Variants in PUS7L observed in about 807,000 individuals in gnomAD.
PUS7L encodes the protein pseudouridylate synthase PUS7L.
PUS7L carries 49 observed loss-of-function variants against 51.1 expected under a neutral mutation model. That is an observed-to-expected ratio of 0.96 (90% CI 0.76 to 1.22). PUS7L has a LOEUF of 1.22. PUS7L is among the 50% of genes most tolerant of loss of function. The pLI, the probability that PUS7L is intolerant of heterozygous loss-of-function variation, is 0.00. For synonymous variants in PUS7L, 277 were observed against 276.2 expected (o/e 1.00, Z -0.03); for missense variants, 828 against 820.6 (o/e 1.01, Z -0.11).
chr12:43,734,993 G>A (rs867038336), intron 7 of PUS7L, among the ~76,000 whole-genome samples: 10 of 152,258 alleles, frequency 6.6e-5, no homozygotes, highest in Middle Eastern at 6.8e-3. Context: ...ATGGAACCCA[G>A]TTTCATTAGT....
chr12:43,738,465 C>T lies in PUS7L; in HGVS notation c.1363-74G>A, dbSNP rs543731759. 51 of 779,394 alleles carry T rather than the reference C, an allele frequency of 6.5e-5. No individual in the cohort carries two copies. In the Middle Eastern group the frequency reaches 1.5e-3, roughly 22 times the overall value. 48.3% of individuals were successfully genotyped at this position (779,394 alleles called of 1,614,324 possible). ...CTTTCTTTAAAAAAAGATGCAAATT[C>T]TCTAGCATCCTAAAAGAATAGGGAT... On this transcript the variant is annotated intron_variant, in intron 5 of 8. Coordinates refer to ENST00000344862, the MANE Select transcript of PUS7L (RefSeq NM_031292.5).
Position 43,727,330 on chromosome 12 carries a change from A to G in PUS7L, c.*3046T>C, listed in dbSNP as rs1944468406. The G allele has an allele frequency of 6.6e-6, 1 of 152,198 alleles. No individual in the cohort carries two copies. 9.4% of individuals were successfully genotyped at this position (152,198 alleles called of 1,614,324 possible). ...TACCATTTGACCCAGCAATCCCATTATTGGTTATATACCCAAAGGAATATA... is the reference window on the plus strand; with the variant it reads ...TACCATTTGACCCAGCAATCCCATTGTTGGTTATATACCCAAAGGAATATA... On this transcript the variant is annotated 3_prime_UTR_variant, in exon 9 of 9. Transcript: ENST00000344862.
In PUS7L at chr12:43,719,759, T is replaced by C. The variant is rs1381781264; in HGVS notation, c.*10617A>G. ...AATAATATTGGCAGAAAATTGTTCA[T>C]AATATTCTATTATCTTTTTAATTTT... On this transcript the variant is annotated 3_prime_UTR_variant, in exon 9 of 9. Coordinates refer to ENST00000344862, the MANE Select transcript of PUS7L (RefSeq NM_031292.5). 1.3e-5 allele frequency: 2 copies of C among 152,238 alleles called. No individual in the cohort carries two copies. Among genetic ancestry groups the C allele is most frequent in the African/African-American group, 4.8e-5 (2 of 41,464 alleles). 9.4% of individuals were successfully genotyped at this position (152,238 alleles called of 1,614,324 possible).
chr12:43,731,407 A>C (rs1944550465), intron 8 of PUS7L, among the ~76,000 whole-genome samples: 1 of 152,190 alleles, frequency 6.6e-6, no homozygotes, highest in African/African-American at 2.4e-5. Context: ...AGTGACAGAA[A>C]ACCGATCAGG....
chr12:43,754,868 G>T lies in PUS7L; in HGVS notation c.378C>A (p.Ser126Arg). 6.2e-7 allele frequency: 1 copy of T among 1,613,702 alleles called. No homozygotes were observed. The highest frequency in any genetic ancestry group is 8.5e-7 in the Non-Finnish European group (1 of 1,179,838). Residue 126 changes from serine to arginine, a missense_variant, in exon 2 of 9, where the codon AGC (serine) becomes AGA (arginine). Transcript: ENST00000344862. ...CATGAGTTTTTTCATCCAAAAAGGA[G>T]CTTAAAACATCAGCTTTTTCTTCAC... ...SKCEEKADVL[S>R]SFLDEKTHEL...
chr12:43,758,659 C>T, intron 1 of PUS7L, 71 bp downstream of exon 1: 1 of 727,156 alleles, frequency 1.4e-6, no homozygotes, highest in Non-Finnish European at 1.6e-6. Flanking sequence ...TCGTCACCCC[C>T]CCCCCCCACA....
In PUS7L at chr12:43,738,302, G is replaced by A. The variant is rs770684543; in HGVS notation, c.1444+8C>T. The A allele has an allele frequency of 6.8e-5, 98 of 1,439,402 alleles. No homozygotes were observed. Among genetic ancestry groups the A allele is most frequent in the Non-Finnish European group, 8.2e-5 (84 of 1,021,630 alleles). The allele number at this position is 1,439,402 out of a possible 1,614,324, so 89.2% of individuals were successfully genotyped here. ...ATGGTTATGTACAGGATAAAGAAACGTAAATACCAGTTTGAAGAAAATACT... is the reference window on the plus strand; with the variant it reads ...ATGGTTATGTACAGGATAAAGAAACATAAATACCAGTTTGAAGAAAATACT... On this transcript the variant is annotated splice_region_variant and intron_variant, in intron 6 of 8. Transcript: ENST00000344862.
chr12:43,756,038 C>T (rs1483217269), intron 1 of PUS7L, among the ~76,000 whole-genome samples: 1 of 152,194 alleles, frequency 6.6e-6, no homozygotes. Flanking sequence ...GGGCCCCATA[C>T]TAGTGAGTTC....
chr12:43,753,842 G>T (rs553983852), intron 2 of PUS7L, among the ~76,000 whole-genome samples: 1 of 152,244 alleles, frequency 6.6e-6, no homozygotes, highest in East Asian at 1.9e-4. Context: ...AGAACATCTT[G>T]TCTAAAGACC....
intron 3 of PUS7L, among the ~76,000 whole-genome samples, chr12:43,747,224 T>C (rs1472316656): frequency 6.6e-6 from 1 of 152,222 alleles, no homozygotes; most frequent in East Asian, 1.9e-4. Context: ...TTACTCATGG[T>C]ATTATTTACA....
rs941726227 is a variant in PUS7L at position 43,724,537 on chromosome 12, T to C, written c.*5839A>G. On this transcript the variant is annotated 3_prime_UTR_variant, in exon 9 of 9. Transcript: ENST00000344862. ...CAACTATCAGTAAAATTTTAAGATA[T>C]AGCATGTGGTCATCAATGCCTCTGC... The C allele has an allele frequency of 2.0e-5, 3 of 152,152 alleles. No homozygotes were observed. Among genetic ancestry groups the C allele is most frequent in the South Asian group, 2.1e-4 (1 of 4,834 alleles). 9.4% of individuals were successfully genotyped at this position (152,152 alleles called of 1,614,324 possible).
intron 2 of PUS7L, among the ~76,000 whole-genome samples, chr12:43,749,549 G>A (rs1372448607): frequency 6.6e-6 from 1 of 152,026 alleles, no homozygotes; most frequent in Non-Finnish European, 1.5e-5. Context: ...AAACACCTAT[G>A]GTCACAGCTA....
rs1258906251 is a variant in PUS7L, at chr12:43,724,268, A to AT, written c.*6107dup. ...TTTGAATGAACTACTGAATCCCCAG[A>AT]TTTAGAAATAGTTGTTTCTACTACT... On this transcript the variant is annotated 3_prime_UTR_variant, in exon 9 of 9. Coordinates refer to ENST00000344862, the MANE Select transcript of PUS7L (RefSeq NM_031292.5). 2 of 151,940 alleles carry AT rather than the reference A, an allele frequency of 1.3e-5. No homozygotes were observed. Among genetic ancestry groups the AT allele is most frequent in the African/African-American group, 4.8e-5 (2 of 41,432 alleles). The allele number at this position is 151,940 out of a possible 1,614,324, so 9.4% of individuals were successfully genotyped here.
chr12:43,738,488 G>T (rs1937724273), intron 5 of PUS7L, 97 bp from the exon 6 acceptor site: 1 of 677,086 alleles, frequency 1.5e-6, no homozygotes, highest in Non-Finnish European at 2.6e-6. Context: ...AAAGAATAGG[G>T]ATTTAATAAT....
chr12:43,741,737 T>C (rs938275642), intron 5 of PUS7L, among the ~76,000 whole-genome samples: 1 of 152,182 alleles, frequency 6.6e-6, no homozygotes, highest in Admixed American at 6.5e-5. Flanking sequence ...CTCTGAACAT[T>C]ATTTGATATG....
chr12:43,725,506 C>T lies in PUS7L; in HGVS notation c.*4870G>A, dbSNP rs913279764. On this transcript the variant is annotated 3_prime_UTR_variant, in exon 9 of 9. Coordinates refer to ENST00000344862, the MANE Select transcript of PUS7L (RefSeq NM_031292.5). ...TCTCGGCTCACTGCAACCTCCACCT[C>T]CCGGGTTCAAGCGATTCTCCAGCCT... is the stretch of plus-strand genomic sequence containing the variant. 1 of 151,698 alleles carries T rather than the reference C, an allele frequency of 6.6e-6. No homozygotes were observed. Among genetic ancestry groups the T allele is most frequent in the African/African-American group, 2.4e-5 (1 of 41,288 alleles). 9.4% of individuals were successfully genotyped at this position (151,698 alleles called of 1,614,324 possible). A position where few individuals can be genotyped will look rare whatever the true frequency, so the allele number is the denominator to read the frequency against.
At chr12:43,734,331 T>C (rs2137671877) in intron 7 of PUS7L, among the ~76,000 whole-genome samples, 1 of 151,278 alleles carries the variant, frequency 6.6e-6, no homozygotes, top group East Asian at 2.0e-4. Flanking sequence ...TAAGCTAGAC[T>C]GGGAATGGAT....
chr12:43,738,728 T>A lies in PUS7L; in HGVS notation c.1363-337A>T, dbSNP rs77754915. On this transcript the variant is annotated intron_variant, in intron 5 of 8. Coordinates refer to ENST00000344862, the MANE Select transcript of PUS7L (RefSeq NM_031292.5). Reference sequence around the variant, plus strand: ...GTAAGGTGTAAGAATTCTGAAAAGCTTAGGCTAAATGTATTAAACCCTTAT... The same window carrying A: ...GTAAGGTGTAAGAATTCTGAAAAGCATAGGCTAAATGTATTAAACCCTTAT... 1,769 of 261,054 alleles carry A rather than the reference T, an allele frequency of 6.8e-3. 28 individuals are homozygous for A. Among genetic ancestry groups the A allele is most frequent in the African/African-American group, 0.037 (1,575 of 42,858 alleles). The allele number at this position is 261,054 out of a possible 1,614,324, so 16.2% of individuals were successfully genotyped here.
In PUS7L at chr12:43,755,262, C is replaced by A; in HGVS notation, c.-16-1G>T. ...TTCTTCCATTCTTCTATAACAGTGC[C>A]TAGAAAACAAAACAAAGAGGTGGTT... On this transcript the variant is annotated splice_acceptor_variant, in intron 1 of 8. Transcript: ENST00000344862. LOFTEE classifies it low-confidence loss of function (5UTR_SPLICE). 1 of 1,527,246 alleles carries A rather than the reference C, an allele frequency of 6.5e-7. No homozygotes were observed. Among genetic ancestry groups the A allele is most frequent in the South Asian group, 1.3e-5 (1 of 77,134 alleles). 94.6% of individuals were successfully genotyped at this position (1,527,246 alleles called of 1,614,324 possible). A position where few individuals can be genotyped will look rare whatever the true frequency, so the allele number is the denominator to read the frequency against.
Sources: allele counts gnomAD v4.1 joint callset (sites outside exome capture counted in the v4.1 genomes callset), GRCh38; gene constraint gnomAD v4.1.1; transcripts MANE v1.5; gene names NCBI Gene and HGNC (gene_info 2026-07-23, HGNC 2026-07-21).